Variants in FMN1 observed in about 807,000 individuals in gnomAD.
FMN1 encodes formin-1.
In FMN1, 110 loss-of-function variants were observed where a neutral mutation model predicts 132.4. The ratio of observed to expected loss-of-function variants is 0.83; its 90% confidence interval spans 0.71 to 0.97. FMN1 has a LOEUF of 0.97. Ranked by LOEUF, FMN1 falls within the 50% of genes least tolerant of loss-of-function variation. The pLI is 0.00. For synonymous variants in FMN1, 722 were observed against 651.7 expected, an observed-to-expected ratio of 1.11 and a Z score of -1.64; for missense variants, 1,792 against 1,705.3, an observed-to-expected ratio of 1.05 and a Z score of -0.90.
intron 4 of FMN1, among the ~76,000 whole-genome samples, chr15:33,122,824 T>A (rs995019928): frequency 6.6e-6 from 1 of 152,170 alleles, no homozygotes; most frequent in Admixed American, 6.5e-5. Context: ...GGAACTGGAA[T>A]ATTTCTTATA....
intron 5 of FMN1, among the ~76,000 whole-genome samples, chr15:33,075,416 C>T (rs2038169310): frequency 6.6e-6 from 1 of 152,196 alleles, no homozygotes; most frequent in African/African-American, 2.4e-5. Context: ...AGAAGGACTA[C>T]ATACAACACA....
In FMN1 at chr15:33,145,070, G is replaced by A. The variant is rs112279049; in HGVS notation, c.1867+7978C>T. Among the ~76,000 whole-genome samples the A allele has an allele frequency of 4.2e-3, 636 of 152,124 alleles. 6 individuals are homozygous for A. Among genetic ancestry groups the A allele is most frequent in the African/African-American group, 0.015 (615 of 41,488 alleles). On this transcript the variant is annotated intron_variant, in intron 4 of 20. Transcript: ENST00000616417. Reference sequence around the variant, plus strand: ...GTATTTCACTGACTCTACCGATTTTGGTGCTTCCCTCTCCCCCACACCAAT... The same window carrying A: ...GTATTTCACTGACTCTACCGATTTTAGTGCTTCCCTCTCCCCCACACCAAT...
chr15:32,857,014 C>T lies in FMN1; in HGVS notation c.3928+1G>A. On this transcript the variant is annotated splice_donor_variant, in intron 17 of 20. Transcript: ENST00000616417. LOFTEE classifies it high-confidence loss of function. ...TATGTGCGGCTGACAAAGCTTCCTA[C>T]CTTTTTGGAAGAACTCCTCTAGTTT... 2 of 1,608,384 alleles carry T rather than the reference C, an allele frequency of 1.2e-6. No individual in the cohort carries two copies. Among genetic ancestry groups the T allele is most frequent in the Non-Finnish European group, 1.7e-6 (2 of 1,174,862 alleles).
At chr15:33,189,513 T>C (rs1477140061) in intron 2 of FMN1, among the ~76,000 whole-genome samples, 1 of 152,234 alleles carries the variant, frequency 6.6e-6, no homozygotes. Context: ...CCCAGCATAC[T>C]GAACTTTATT....
At chr15:33,145,909 GA>G (rs756585832) in intron 4 of FMN1, among the ~76,000 whole-genome samples, 2 of 151,316 alleles carry the variant, frequency 1.3e-5, no homozygotes, top group Non-Finnish European at 2.9e-5. Context: ...GAACGTTTTA[GA>G]AAAAATACGT....
intron 4 of FMN1, among the ~76,000 whole-genome samples, chr15:33,104,171 G>A (rs1195952049): frequency 6.6e-6 from 1 of 152,108 alleles, no homozygotes; most frequent in East Asian, 1.9e-4. Flanking sequence ...TGATAAAATA[G>A]AAACTTTTGA....
At chr15:32,897,478 C>CAA (rs2060187881) in intron 15 of FMN1, among the ~76,000 whole-genome samples, 1 of 151,990 alleles carries the variant, frequency 6.6e-6, no homozygotes, top group Non-Finnish European at 1.5e-5. Context: ...AGGCTAGAGA[C>CAA]AAAGATACTT....
chr15:32,956,417 C>T (rs933971146), intron 9 of FMN1, among the ~76,000 whole-genome samples: 1 of 151,650 alleles, frequency 6.6e-6, no homozygotes, highest in African/African-American at 2.4e-5. Flanking sequence ...CTGGGGCTGT[C>T]TCATTTCCAA....
At chr15:33,016,320 C>T (rs1302023487) in intron 6 of FMN1, among the ~76,000 whole-genome samples, 1 of 152,164 alleles carries the variant, frequency 6.6e-6, no homozygotes, top group Non-Finnish European at 1.5e-5. Context: ...TCATGTAAGG[C>T]AGAGTCACAA....
At chr15:32,972,234 T>C (rs575447511) in intron 7 of FMN1, among the ~76,000 whole-genome samples, 4 of 152,336 alleles carry the variant, frequency 2.6e-5, no homozygotes, top group African/African-American at 7.2e-5. Flanking sequence ...CTCTTGGCTC[T>C]GGGTACGCTT....
At chr15:33,015,590 G>C (rs1241646839) in intron 6 of FMN1, among the ~76,000 whole-genome samples, 1 of 152,130 alleles carries the variant, frequency 6.6e-6, no homozygotes, top group East Asian at 1.9e-4. Flanking sequence ...ATTCTCCACT[G>C]AGTAGGAAAC....
rs865956477 is a variant in FMN1 at position 32,867,638 on chromosome 15, C to T, written c.3836-10531G>A. On this transcript the variant is annotated intron_variant, in intron 16 of 20. Coordinates refer to ENST00000616417, the MANE Select transcript of FMN1 (RefSeq NM_001277313.2). ...TCTCCTGCCTCAGCCCCCTGCCCCC[C>T]GCTCCCTGTGCAAAGGCTAATTTTT... Among the ~76,000 whole-genome samples, 19 of 152,156 alleles carry T rather than the reference C, an allele frequency of 1.2e-4. 1 individual carries two copies. The highest frequency in any genetic ancestry group is 3.3e-4 in the Admixed American group (5 of 15,278).
At chr15:32,864,317 T>C (rs1266364704) in intron 16 of FMN1, among the ~76,000 whole-genome samples, 2 of 152,112 alleles carry the variant, frequency 1.3e-5, no homozygotes, top group African/African-American at 4.8e-5. Flanking sequence ...TGAGGATAAC[T>C]AGGAGAGGGC....
intron 10 of FMN1, among the ~76,000 whole-genome samples, chr15:32,914,658 TG>T (rs1231878711): frequency 6.6e-6 from 1 of 152,210 alleles, no homozygotes; most frequent in African/African-American, 2.4e-5. Flanking sequence ...TCTATTGTAA[TG>T]GGCAAGAGGT....
At chr15:32,902,267 G>A (rs1216339234) in intron 12 of FMN1, among the ~76,000 whole-genome samples, 1 of 152,136 alleles carries the variant, frequency 6.6e-6, no homozygotes, top group Non-Finnish European at 1.5e-5. Context: ...GCATGGTATA[G>A]AAATTCCTTC....
chr15:33,051,118 G>A (rs1199767086), intron 6 of FMN1, among the ~76,000 whole-genome samples: 1 of 152,296 alleles, frequency 6.6e-6, no homozygotes, highest in East Asian at 1.9e-4. Context: ...GGGGGATATA[G>A]AGTGAAGGAT....
At chr15:32,837,896 G>C (rs555500901) in intron 17 of FMN1, among the ~76,000 whole-genome samples, 58 of 152,278 alleles carry the variant, frequency 3.8e-4, no homozygotes, top group Admixed American at 1.7e-3. Flanking sequence ...CCCATCCTAG[G>C]GCAAAATGGG....
intron 9 of FMN1, among the ~76,000 whole-genome samples, chr15:32,937,765 G>A (rs2061312474): frequency 6.6e-6 from 1 of 152,224 alleles, no homozygotes; most frequent in Non-Finnish European, 1.5e-5. Flanking sequence ...TTCATAATTG[G>A]AGGACAGTAC....
chr15:32,928,419 T>C (rs1469711964), intron 9 of FMN1, among the ~76,000 whole-genome samples: 2 of 152,180 alleles, frequency 1.3e-5, no homozygotes, highest in Non-Finnish European at 2.9e-5. Flanking sequence ...AGTCAAATGA[T>C]TTCTTCATCT....
Sources: gnomAD v4.1 joint callset for allele counts (sites outside exome capture counted in the v4.1 genomes callset) on GRCh38, gnomAD v4.1.1 for gene constraint, MANE v1.5 for transcripts, NCBI Gene and HGNC (gene_info 2026-07-23, HGNC 2026-07-21) for gene names.